Variants in KHDRBS1 observed in about 807,000 individuals in gnomAD.
KHDRBS1 encodes KH RNA binding domain containing, signal transduction associated 1, also known as KH domain-containing, RNA-binding, signal transduction-associated protein 1.
In KHDRBS1, 7 loss-of-function variants were observed where a neutral mutation model predicts 48.4. The observed-to-expected ratio is 0.14, with a 90% CI of 0.08 to 0.27. The LOEUF is 0.27. Ranked by LOEUF, KHDRBS1 falls within the 10% of genes least tolerant of loss-of-function variation. KHDRBS1 has a pLI of 1.00. For synonymous variants in KHDRBS1, 241 were observed against 235.8 expected (o/e 1.02, Z -0.20); for missense variants, 458 against 601.2 (o/e 0.76, Z 2.49).
At chr1:32,015,711 C>A (rs72876655) in intron 1 of KHDRBS1, among the ~76,000 whole-genome samples, 5,132 of 152,160 alleles carry the variant, frequency 0.034, 284 homozygotes, top group African/African-American at 0.12. Context: ...ATTGAGGTTA[C>A]TGTTGGTTTG....
chr1:32,050,434 A>G (rs1266986260), intron 10 of KHDRBS1, among the ~76,000 whole-genome samples: 2 of 152,028 alleles, frequency 1.3e-5, no homozygotes, highest in East Asian at 1.9e-4. Flanking sequence ...GTAATAAACT[A>G]TTGTCTCATT....
At chr1:32,044,519 AAGAG>A (rs1311770117), downstream of KHDRBS1, among the ~76,000 whole-genome samples, 1 of 152,230 alleles carries the variant, frequency 6.6e-6, no homozygotes, top group Non-Finnish European at 1.5e-5. Flanking sequence ...TGGCTTCCCT[AAGAG>A]AGCCACCTAA....
chr1:32,060,038 GAATGAAAC>G (rs992332026), intron 10 of KHDRBS1: 3 of 152,226 alleles, frequency 2.0e-5, no homozygotes, highest in African/African-American at 7.2e-5. Context: ...CTTGTGTACT[GAATGAAAC>G]AAGTAGAGTT....
At chr1:32,030,746 A>G (rs930991212) in intron 2 of KHDRBS1, among the ~76,000 whole-genome samples, 7 of 152,198 alleles carry the variant, frequency 4.6e-5, no homozygotes, top group Non-Finnish European at 8.8e-5. Flanking sequence ...CCTGAAATCT[A>G]AATAAAAGGA....
chr1:32,014,618 A>T (rs751721664), intron 1 of KHDRBS1, among the ~76,000 whole-genome samples: 53 of 152,264 alleles, frequency 3.5e-4, no homozygotes, highest in Non-Finnish European at 5.4e-4. Flanking sequence ...TAATGTCTTG[A>T]TGGATAGTGC....
intron 1 of KHDRBS1, among the ~76,000 whole-genome samples, chr1:32,019,017 C>T (rs1184818486): frequency 6.6e-6 from 1 of 151,694 alleles, no homozygotes; most frequent in African/African-American, 2.4e-5. Context: ...ATCACTTGAA[C>T]CCAGGAGGTG....
chr1:32,050,767 A>G (rs1639409196), intron 10 of KHDRBS1, among the ~76,000 whole-genome samples: 2 of 151,880 alleles, frequency 1.3e-5, no homozygotes, highest in South Asian at 4.2e-4. Flanking sequence ...CAGTCCACCC[A>G]CCTCGGCCTC....
At chr1:32,040,384 C>G (rs1639260152) in intron 8 of KHDRBS1, among the ~76,000 whole-genome samples, 2 of 151,852 alleles carry the variant, frequency 1.3e-5, no homozygotes, top group South Asian at 4.2e-4. Context: ...CCATTGCACT[C>G]CAGCCTGGGC....
At chr1:32,039,444 TG>T in intron 7 of KHDRBS1, 70 bp from the exon 8 acceptor site, 1 of 791,972 alleles carries the variant, frequency 1.3e-6, no homozygotes, top group Middle Eastern at 2.2e-4. Context: ...GACTGACTTA[TG>T]GAAGTATTTG....
chr1:32,023,213 C>A (rs1040947891), intron 1 of KHDRBS1, among the ~76,000 whole-genome samples: 3 of 151,726 alleles, frequency 2.0e-5, no homozygotes, highest in African/African-American at 7.3e-5. Flanking sequence ...ACAAAAAAAA[C>A]AAAAGTGGGG....
chr1:32,050,651 T>C (rs1028912217), intron 10 of KHDRBS1, among the ~76,000 whole-genome samples: 1 of 151,974 alleles, frequency 6.6e-6, no homozygotes, highest in Non-Finnish European at 1.5e-5. Flanking sequence ...TAGCTGGTAC[T>C]ACAGGTGCGT....
At chr1:32,057,385 T>C (rs1639491197) in intron 10 of KHDRBS1, among the ~76,000 whole-genome samples, 1 of 152,048 alleles carries the variant, frequency 6.6e-6, no homozygotes, top group South Asian at 2.1e-4. Flanking sequence ...CCCAGGCTGG[T>C]TTCCAACTCC....
rs758697117 is a variant in KHDRBS1, at chr1:32,014,273, C to G, written c.278C>G (p.Ala93Gly). Residue 93 changes from alanine to glycine, a missense_variant, in exon 1 of 9, where the codon GCC becomes GGC. Around this residue, in one of 3 missense-constraint regions of KHDRBS1, gnomAD observed 213 missense variants for 215.6 expected, o/e 0.99. Coordinates refer to ENST00000327300, the MANE Select transcript of KHDRBS1 (RefSeq NM_006559.3). ...CCGCTGCTGCCCCCCTCGGCCACAGCCTCGGTCAAGATGGAGCCAGAGAAC... is the reference window on the plus strand; with the variant it reads ...CCGCTGCTGCCCCCCTCGGCCACAGGCTCGGTCAAGATGGAGCCAGAGAAC... ...PTPLLPPSATASVKMEPENKY... is the reference protein window; with the variant it reads ...PTPLLPPSATGSVKMEPENKY... 2 of 1,549,088 alleles carry G rather than the reference C, an allele frequency of 1.3e-6. No individual in the cohort carries two copies. The highest frequency in any genetic ancestry group is 2.8e-5 in the African/African-American group (2 of 72,276).
At chr1:32,025,264 CAA>C (rs780420929) in intron 1 of KHDRBS1, among the ~76,000 whole-genome samples, 24 of 56,250 alleles carry the variant, frequency 4.3e-4, no homozygotes, top group East Asian at 1.2e-3. Flanking sequence ...GACCCTATCT[CAA>C]AAAAAAAAAA....
In KHDRBS1 at chr1:32,016,512, CA is replaced by C. The variant is rs879770936; in HGVS notation, c.382+2147del. ...AAATCTATCTGGGATGATAGGTGAC[CA>C]AAAAAAAAAAAGTATATTTGAAAGT... On this transcript the variant is annotated intron_variant, in intron 1 of 8. Coordinates refer to ENST00000327300, the MANE Select transcript of KHDRBS1 (RefSeq NM_006559.3). Among the ~76,000 whole-genome samples, 502 of 139,210 alleles carry C rather than the reference CA, an allele frequency of 3.6e-3. 4 individuals carry two copies. The highest frequency in any genetic ancestry group is 8.2e-3 in the African/African-American group (313 of 37,998). The allele number at this position is 139,210 out of a possible 152,430, so 91.3% of individuals were successfully genotyped here.
chr1:32,058,183 G>A (rs1458710622), intron 10 of KHDRBS1, among the ~76,000 whole-genome samples: 2 of 151,482 alleles, frequency 1.3e-5, no homozygotes, highest in Admixed American at 1.3e-4. Context: ...TACCTCCTGG[G>A]CTCAAGACAT....
Position 32,030,291 on chromosome 1 carries a change from T to G in KHDRBS1, c.383-7T>G, listed in dbSNP as rs1639056739. On this transcript the variant is annotated splice_polypyrimidine_tract_variant and splice_region_variant and intron_variant, in intron 1 of 8. Coordinates refer to ENST00000327300, the MANE Select transcript of KHDRBS1 (RefSeq NM_006559.3). ...CAGGGCAAAAATAAATTGTTTTTCC[T>G]ATTCAGAAATTGAGAAGATTCAGAA... 6 of 1,600,086 alleles carry G rather than the reference T, an allele frequency of 3.7e-6. No homozygotes were observed. Among genetic ancestry groups the G allele is most frequent in the Non-Finnish European group, 5.1e-6 (6 of 1,175,354 alleles).
intron 10 of KHDRBS1, among the ~76,000 whole-genome samples, chr1:32,051,718 A>ACC (rs1290584962): frequency 5.3e-5 from 8 of 152,064 alleles, no homozygotes; most frequent in Non-Finnish European, 8.8e-5. Flanking sequence ...GAATACTCTG[A>ACC]CCCTTCCTTA....
chr1:32,037,589 T>G (rs889400349), intron 5 of KHDRBS1, among the ~76,000 whole-genome samples: 5 of 152,220 alleles, frequency 3.3e-5, no homozygotes, highest in Non-Finnish European at 7.3e-5. Flanking sequence ...CTTTTGTGAC[T>G]GACCTTTATA....
Sources: allele counts gnomAD v4.1 joint callset (sites outside exome capture counted in the v4.1 genomes callset), GRCh38; gene constraint gnomAD v4.1.1; regional missense constraint gnomAD v4.1.1; transcripts MANE v1.5; gene names NCBI Gene and HGNC (gene_info 2026-07-23, HGNC 2026-07-21).